The following THSD7A variants were observed in gnomAD, a reference collection of about 807,000 sequenced individuals.
The protein encoded by THSD7A is thrombospondin type 1 domain containing 7A.
In THSD7A, 96 loss-of-function variants were observed where a neutral mutation model predicts 231.3. That is an observed-to-expected ratio of 0.41 (90% CI 0.35 to 0.49). The LOEUF (loss-of-function observed/expected upper bound fraction) is 0.49. Among genes scored for constraint, THSD7A ranks in the 20% least tolerant of loss-of-function variants. The pLI is 0.05. For missense variants in THSD7A, 2,290 were observed against 2,070.2 expected (o/e 1.11, Z -2.06); for synonymous variants, 940 against 743.3 (o/e 1.26, Z -4.30).
intron 10 of THSD7A, 123 bp downstream of exon 10, chr7:11,461,888 C>T: frequency 7.9e-7 from 1 of 1,269,926 alleles, no homozygotes. Flanking sequence ...CAGCCATAAA[C>T]ATCCCAACTC....
chr7:11,571,291 G>A (rs776222271), intron 4 of THSD7A, among the ~76,000 whole-genome samples: 17 of 152,288 alleles, frequency 1.1e-4, no homozygotes, highest in Admixed American at 2.0e-4. Context: ...AGGAAATTAC[G>A]ATGTTATTCT....
At chr7:11,779,670 T>G (rs1055975133) in intron 1 of THSD7A, among the ~76,000 whole-genome samples, 1 of 152,174 alleles carries the variant, frequency 6.6e-6, no homozygotes, top group African/African-American at 2.4e-5. Context: ...CTATTTTTGT[T>G]TTCATAGGCC....
intron 1 of THSD7A, among the ~76,000 whole-genome samples, chr7:11,692,353 A>G (rs372410352): frequency 6.6e-6 from 1 of 151,630 alleles, no homozygotes; most frequent in African/African-American, 2.4e-5. Flanking sequence ...CTCAGTCTCT[A>G]CAGTTAAAGG....
At chr7:11,616,965 G>A (rs1203245891) in intron 2 of THSD7A, among the ~76,000 whole-genome samples, 2 of 151,956 alleles carry the variant, frequency 1.3e-5, no homozygotes, top group East Asian at 1.9e-4. Flanking sequence ...ATTATTCAAG[G>A]ATAAACAGAA....
At chr7:11,775,458 A>G (rs1406916994) in intron 1 of THSD7A, among the ~76,000 whole-genome samples, 1 of 152,218 alleles carries the variant, frequency 6.6e-6, no homozygotes, top group Non-Finnish European at 1.5e-5. Context: ...TCATTGATGA[A>G]TAAATATGGA....
intron 6 of THSD7A, among the ~76,000 whole-genome samples, chr7:11,513,312 T>A: frequency 6.7e-6 from 1 of 149,102 alleles, no homozygotes; most frequent in African/African-American, 2.5e-5. Context: ...TATGGAAAAA[T>A]AGAATAAAAT....
chr7:11,679,387 T>C (rs1447873718), intron 1 of THSD7A, among the ~76,000 whole-genome samples: 1 of 152,136 alleles, frequency 6.6e-6, no homozygotes, highest in Non-Finnish European at 1.5e-5. Flanking sequence ...AGCATTCAAA[T>C]AGGAAAATCG....
In THSD7A at chr7:11,593,313, T is replaced by C. The variant is rs1780237581; in HGVS notation, c.1212A>G (p.Pro404=). Residue 404 remains proline, a synonymous_variant, in exon 3 of 28, where the codon CCA becomes CCG. Transcript: ENST00000423059. ...AACAGGGTTCTTTTTCTTCAAATTC[T>C]GGACACTCCTTTTCACTGCCAATGG... ...QFPIGSEKEC[P]EFEEKEPCLS... is the part of the protein sequence containing the mutation. 7 of 1,613,898 alleles carry C rather than the reference T, an allele frequency of 4.3e-6. No individual in the cohort carries two copies. The highest frequency in any genetic ancestry group is 2.5e-6 in the Non-Finnish European group (3 of 1,179,884).
intron 1 of THSD7A, among the ~76,000 whole-genome samples, chr7:11,797,051 C>T (rs914599776): frequency 1.3e-5 from 2 of 152,038 alleles, no homozygotes; most frequent in Non-Finnish European, 2.9e-5. Context: ...TTTGGGGAAA[C>T]ACTATGGTTA....
Position 11,641,376 on chromosome 7 carries a change from C to A in THSD7A, c.191-4415G>T, listed in dbSNP as rs186299797. Among the ~76,000 whole-genome samples, 112 of 152,060 alleles carry A rather than the reference C, an allele frequency of 7.4e-4. 2 individuals are homozygous for A. The highest frequency in any genetic ancestry group is 2.5e-3 in the African/African-American group (103 of 41,482). On this transcript the variant is annotated intron_variant, in intron 1 of 27. Transcript: ENST00000423059. ...AGTTTATAGATCTTAATATCCCAGG[C>A]ATTATATTTTTGATGTCAGTGCCAG...
chr7:11,594,846 T>G (rs1441255607), intron 2 of THSD7A, among the ~76,000 whole-genome samples: 1 of 152,186 alleles, frequency 6.6e-6, no homozygotes, highest in East Asian at 1.9e-4. Context: ...CAAGGAAAGA[T>G]GCATGCACAG....
rs1013543657 is a variant in THSD7A at position 11,411,414 on chromosome 7, A to C, written c.3683-92T>G. 9.8e-6 allele frequency: 8 copies of C among 817,238 alleles called. No individual in the cohort carries two copies. In the African/African-American group the frequency reaches 1.4e-4, roughly 14 times the overall value. 50.6% of individuals were successfully genotyped at this position (817,238 alleles called of 1,614,324 possible). A position where few individuals can be genotyped will look rare whatever the true frequency, so the allele number is the denominator to read the frequency against. On this transcript the variant is annotated intron_variant, in intron 18 of 27. Coordinates refer to ENST00000423059, the MANE Select transcript of THSD7A (RefSeq NM_015204.3). This position sits in a 1 kb window ranked among gnomAD's most constrained non-coding sequence, Gnocchi z 4.1. Reference sequence around the variant, plus strand: ...ATGACCTGAATCCCATATTTAATTCACAACTGCTTCCTAAGCCCCATAATC... The same window carrying C: ...ATGACCTGAATCCCATATTTAATTCCCAACTGCTTCCTAAGCCCCATAATC...
chr7:11,439,367 AT>A (rs1784732239), intron 13 of THSD7A, among the ~76,000 whole-genome samples: 1 of 151,862 alleles, frequency 6.6e-6, no homozygotes, highest in African/African-American at 2.4e-5. Context: ...TATCGGTGCC[AT>A]TTTTTCCAAC....
At chr7:11,808,178 A>G (rs1784445113) in intron 1 of THSD7A, among the ~76,000 whole-genome samples, 1 of 151,732 alleles carries the variant, frequency 6.6e-6, no homozygotes, top group African/African-American at 2.4e-5. Context: ...ACACACTGCT[A>G]TGGTTTGAAT....
chr7:11,480,052 C>T (rs1430565402), intron 7 of THSD7A, among the ~76,000 whole-genome samples: 1 of 152,086 alleles, frequency 6.6e-6, no homozygotes, highest in Non-Finnish European at 1.5e-5. Flanking sequence ...AATTATTACA[C>T]GTCAATTAAA....
At chr7:11,768,578 A>G (rs1219213691) in intron 1 of THSD7A, among the ~76,000 whole-genome samples, 1 of 152,046 alleles carries the variant, frequency 6.6e-6, no homozygotes, top group Non-Finnish European at 1.5e-5. Context: ...GTCAAAAGTG[A>G]TCTCCAACTC....
At chr7:11,550,183 T>A (rs184491521) in intron 4 of THSD7A, among the ~76,000 whole-genome samples, 17 of 152,110 alleles carry the variant, frequency 1.1e-4, no homozygotes, top group Admixed American at 5.9e-4. Context: ...AGAATATCCA[T>A]ACACCAATAA....
intron 1 of THSD7A, among the ~76,000 whole-genome samples, chr7:11,791,108 A>G (rs1267999220): frequency 1.3e-5 from 2 of 151,996 alleles, no homozygotes; most frequent in Non-Finnish European, 2.9e-5. Flanking sequence ...AACTACATTT[A>G]AAACTTCAAT....
intron 6 of THSD7A, among the ~76,000 whole-genome samples, chr7:11,482,587 G>T (rs796737028): frequency 6.6e-6 from 1 of 152,184 alleles, no homozygotes; most frequent in African/African-American, 2.4e-5. Flanking sequence ...GTTGGAGAGG[G>T]AGGGAAACAA....
Sources: gnomAD v4.1 joint callset for allele counts (sites outside exome capture counted in the v4.1 genomes callset) on GRCh38, gnomAD v4.1.1 for gene constraint, Gnocchi (gnomAD v3.1) non-coding constraint, MANE v1.5 for transcripts, NCBI Gene and HGNC (gene_info 2026-07-23, HGNC 2026-07-21) for gene names.